The following HS3ST5 variants were observed in gnomAD, a reference collection of about 807,000 sequenced individuals.
HS3ST5 encodes the protein heparan sulfate glucosamine 3-O-sulfotransferase 5.
A neutral mutation model predicts 25.4 loss-of-function variants in HS3ST5; 10 were observed. The ratio of observed to expected loss-of-function variants is 0.39; its 90% CI spans 0.24 to 0.67. The LOEUF is 0.67. HS3ST5 is among the 30% of genes least tolerant of loss of function. HS3ST5 has a pLI of 0.44. For missense variants in HS3ST5, 324 were observed against 420.7 expected (o/e 0.77, Z 2.01); for synonymous variants, 170 against 162.4 (o/e 1.05, Z -0.36).
intron 3 of HS3ST5, among the ~76,000 whole-genome samples, chr6:114,145,723 G>A (rs1778129040): frequency 1.3e-5 from 2 of 152,214 alleles, no homozygotes; most frequent in South Asian, 4.1e-4. Flanking sequence ...GCTGCGAACT[G>A]CAGTGGGAGG....
intron 2 of HS3ST5, among the ~76,000 whole-genome samples, chr6:114,207,941 T>C (rs544654336): frequency 6.6e-6 from 1 of 152,306 alleles, no homozygotes; most frequent in East Asian, 1.9e-4. Flanking sequence ...GATGGAAGTA[T>C]GAGGGATCCC....
chr6:114,082,444 A>G (rs1357243658), intron 3 of HS3ST5, among the ~76,000 whole-genome samples: 1 of 152,254 alleles, frequency 6.6e-6, no homozygotes, highest in Non-Finnish European at 1.5e-5. Flanking sequence ...CCTCCAAAAT[A>G]TATAAGACAC....
chr6:114,258,517 A>T (rs1209961892), intron 1 of HS3ST5, among the ~76,000 whole-genome samples: 1 of 152,156 alleles, frequency 6.6e-6, no homozygotes, highest in Non-Finnish European at 1.5e-5. Flanking sequence ...AGGCAAAGAA[A>T]TGACAGAGGT....
chr6:114,072,174 T>G (rs1305885145), intron 3 of HS3ST5, among the ~76,000 whole-genome samples: 1 of 152,202 alleles, frequency 6.6e-6, no homozygotes, highest in South Asian at 2.1e-4. Flanking sequence ...GTCTAAACTT[T>G]CAATCTGCAA....
chr6:114,154,440 T>A (rs1034420919), intron 3 of HS3ST5, among the ~76,000 whole-genome samples: 2 of 152,152 alleles, frequency 1.3e-5, no homozygotes, highest in South Asian at 4.1e-4. Context: ...GGCAAGTTGC[T>A]TTAGCCCAGG....
intron 2 of HS3ST5, among the ~76,000 whole-genome samples, chr6:114,193,050 G>A (rs960348463): frequency 6.6e-6 from 1 of 151,856 alleles, no homozygotes; most frequent in Non-Finnish European, 1.5e-5. Flanking sequence ...TCTTCTTCAG[G>A]TTCTGTCATG....
chr6:114,333,973 T>C (rs1776508263), intron 1 of HS3ST5, among the ~76,000 whole-genome samples: 1 of 152,156 alleles, frequency 6.6e-6, no homozygotes, highest in African/African-American at 2.4e-5. Flanking sequence ...CAGTCCCACA[T>C]ACAACCTTGT....
intron 3 of HS3ST5, among the ~76,000 whole-genome samples, chr6:114,085,454 T>C (rs142074978): frequency 7.7e-4 from 118 of 152,300 alleles, no homozygotes; most frequent in African/African-American, 2.5e-3. Flanking sequence ...TCTCACACTA[T>C]GCCAAAATCA....
intron 2 of HS3ST5, among the ~76,000 whole-genome samples, chr6:114,199,765 T>G (rs140933971): frequency 6.6e-6 from 1 of 152,218 alleles, no homozygotes; most frequent in Non-Finnish European, 1.5e-5. Context: ...GTCAGCTTTA[T>G]GTCTCAAAAA....
At chr6:114,317,554 A>G (rs1340086406) in intron 1 of HS3ST5, among the ~76,000 whole-genome samples, 1 of 152,092 alleles carries the variant, frequency 6.6e-6, no homozygotes, top group African/African-American at 2.4e-5. Flanking sequence ...TAATTTTTTT[A>G]TTCTTTGACA....
intron 1 of HS3ST5, among the ~76,000 whole-genome samples, chr6:114,269,234 A>T (rs939046780): frequency 3.3e-5 from 5 of 152,198 alleles, no homozygotes; most frequent in Admixed American, 6.5e-5. Flanking sequence ...GTGGGTAAGA[A>T]AACAGACTCA....
At chr6:114,337,659 G>T (rs1562280165) in intron 1 of HS3ST5, among the ~76,000 whole-genome samples, 2 of 152,118 alleles carry the variant, frequency 1.3e-5, no homozygotes, top group African/African-American at 4.8e-5. Context: ...CATTACAATT[G>T]CCTTCCTTAT....
chr6:114,170,662 T>C (rs1180290777), intron 2 of HS3ST5, among the ~76,000 whole-genome samples: 1 of 152,182 alleles, frequency 6.6e-6, no homozygotes, highest in East Asian at 1.9e-4. Context: ...TATCTTTTAC[T>C]AGCTGCCACG....
chr6:114,207,763 T>C (rs1409325802), intron 2 of HS3ST5, among the ~76,000 whole-genome samples: 2 of 152,188 alleles, frequency 1.3e-5, no homozygotes, highest in Non-Finnish European at 2.9e-5. Flanking sequence ...GTTGCTGTAT[T>C]ATATTGTACT....
intron 2 of HS3ST5, among the ~76,000 whole-genome samples, chr6:114,192,713 A>C (rs1317623616): frequency 6.6e-6 from 1 of 152,212 alleles, no homozygotes; most frequent in African/African-American, 2.4e-5. Flanking sequence ...CAGATTATTC[A>C]GCTAGAGACC....
intron 3 of HS3ST5, among the ~76,000 whole-genome samples, chr6:114,107,470 G>A (rs1461204324): frequency 3.3e-5 from 5 of 152,138 alleles, no homozygotes; most frequent in Non-Finnish European, 2.9e-5. Flanking sequence ...CCTAAAATCA[G>A]GAAGAAGACA....
At chr6:114,218,421 G>T (rs1035559369) in intron 2 of HS3ST5, among the ~76,000 whole-genome samples, 7 of 152,174 alleles carry the variant, frequency 4.6e-5, no homozygotes, top group African/African-American at 1.7e-4. Context: ...CGGTTTCAAT[G>T]ACAAAGGTCT....
chr6:114,240,981 G>A (rs1363899531), intron 1 of HS3ST5, among the ~76,000 whole-genome samples: 1 of 151,960 alleles, frequency 6.6e-6, no homozygotes, highest in Non-Finnish European at 1.5e-5. Context: ...TGATATCAAT[G>A]GGTTACACAA....
At chr6:114,317,380 T>C (rs967013227) in intron 1 of HS3ST5, among the ~76,000 whole-genome samples, 1 of 152,076 alleles carries the variant, frequency 6.6e-6, no homozygotes, top group African/African-American at 2.4e-5. Flanking sequence ...ACACTTGGAG[T>C]AAACGGATGC....
Sources: gnomAD v4.1 joint callset for allele counts (sites outside exome capture counted in the v4.1 genomes callset) on GRCh38, gnomAD v4.1.1 for gene constraint, MANE v1.5 for transcripts, NCBI Gene and HGNC (gene_info 2026-07-23, HGNC 2026-07-21) for gene names.